Variants in CHN2 observed in about 807,000 individuals in gnomAD.
CHN2 encodes beta-chimaerin.
CHN2 carries 35 observed loss-of-function variants against 56.3 expected under a neutral mutation model. That is an observed-to-expected ratio of 0.62 (90% CI 0.47 to 0.82). The LOEUF is 0.82. Ranked by LOEUF, CHN2 falls within the 40% of genes least tolerant of loss-of-function variation. The probability of loss-of-function intolerance (pLI) is 0.00; values close to 1 mark genes in which losing one functional copy is unlikely to be tolerated. For missense variants in CHN2, 491 were observed against 580.5 expected, an observed-to-expected ratio of 0.85 and a Z score of 1.58; for synonymous variants, 210 against 212.8, an observed-to-expected ratio of 0.99 and a Z score of 0.12.
chr7:29,388,471 G>A (rs953052321), intron 3 of CHN2, among the ~76,000 whole-genome samples: 1 of 132,358 alleles, frequency 7.6e-6, no homozygotes, highest in African/African-American at 2.8e-5. Flanking sequence ...ACTGTTGCAA[G>A]CATATTACAC....
intron 2 of CHN2, among the ~76,000 whole-genome samples, chr7:29,148,158 G>A (rs1421711659): frequency 6.6e-6 from 1 of 152,216 alleles, no homozygotes; most frequent in African/African-American, 2.4e-5. Context: ...CTTGAAGCAG[G>A]CTCAGTGCCA....
intron 1 of CHN2, among the ~76,000 whole-genome samples, chr7:29,311,567 A>G (rs888539628): frequency 3.3e-5 from 5 of 152,228 alleles, no homozygotes; most frequent in African/African-American, 1.2e-4. Context: ...AGGGACTAAT[A>G]AGATTCAGGT....
intron 1 of CHN2, among the ~76,000 whole-genome samples, chr7:29,234,032 A>G (rs1003718821): frequency 1.1e-4 from 17 of 149,556 alleles, no homozygotes; most frequent in Non-Finnish European, 1.6e-4. Context: ...ACGGGGTTTC[A>G]CCGTTTTAGC....
At chr7:29,464,134 G>C (rs1044994987) in intron 6 of CHN2, among the ~76,000 whole-genome samples, 1 of 152,172 alleles carries the variant, frequency 6.6e-6, no homozygotes, top group Non-Finnish European at 1.5e-5. Flanking sequence ...GCATAGTTAC[G>C]ATTAATCATA....
At chr7:29,509,876 G>A (rs967156804) in intron 12 of CHN2, among the ~76,000 whole-genome samples, 5 of 151,654 alleles carry the variant, frequency 3.3e-5, no homozygotes, top group Admixed American at 2.0e-4. Context: ...AGAAAGGGGT[G>A]CCATTAGGGG....
intron 1 of CHN2, among the ~76,000 whole-genome samples, chr7:29,223,895 G>A (rs765335857): frequency 1.3e-5 from 2 of 152,134 alleles, no homozygotes; most frequent in Non-Finnish European, 2.9e-5. Flanking sequence ...AAAAATTTTA[G>A]TTGCGATGTA....
rs117546926 is a variant in CHN2 at position 29,310,977 on chromosome 7, T to C, written c.50-43648T>C. Among the ~76,000 whole-genome samples, 289 of 152,346 alleles carry C rather than the reference T, an allele frequency of 1.9e-3. 7 individuals are homozygous for C. In the East Asian group the frequency reaches 0.051, roughly 27 times the overall value. ...ACTTGTTTATTAAAAAGAAAACTAT[T>C]GAAAGAATTCTTAAACAACAAAACA... On this transcript the variant is annotated intron_variant, in intron 1 of 12. Transcript: ENST00000222792.
chr7:29,456,311 TCTC>T (rs1562621249), intron 6 of CHN2, among the ~76,000 whole-genome samples: 1 of 152,130 alleles, frequency 6.6e-6, no homozygotes, highest in Non-Finnish European at 1.5e-5. Flanking sequence ...CAGATGTCTA[TCTC>T]CTCAACTAGA....
intron 9 of CHN2, among the ~76,000 whole-genome samples, chr7:29,501,807 T>C (rs1789998824): frequency 6.6e-6 from 1 of 152,200 alleles, no homozygotes; most frequent in Admixed American, 6.5e-5. Flanking sequence ...ATCCTTATTG[T>C]TCTCCAAATG....
chr7:29,262,034 G>C (rs1185239928), intron 1 of CHN2, among the ~76,000 whole-genome samples: 3 of 152,164 alleles, frequency 2.0e-5, no homozygotes, highest in Non-Finnish European at 4.4e-5. Flanking sequence ...CAGGCATGGT[G>C]GCGTGAGCCT....
At chr7:29,285,030 A>C (rs1044443093) in intron 1 of CHN2, among the ~76,000 whole-genome samples, 1 of 152,208 alleles carries the variant, frequency 6.6e-6, no homozygotes, top group Non-Finnish European at 1.5e-5. Flanking sequence ...CTGTGCAAGC[A>C]GACTGGGGGA....
intron 6 of CHN2, chr7:29,479,796 C>T: frequency 9.8e-6 from 12 of 1,224,020 alleles, no homozygotes; most frequent in Non-Finnish European, 1.2e-5. Flanking sequence ...AGGCTGCCGG[C>T]CCCTGCCTCC....
rs576847571 is a variant in CHN2 at position 29,497,792 on chromosome 7, CA to C, written c.739+1757del. On this transcript the variant is annotated intron_variant, in intron 8 of 12. Transcript: ENST00000222792. ...ATATCAGTATTAAACTCTACATAAA[CA>C]CATTGTTGCTTTAGGTCTTAAATGA... is the stretch of plus-strand genomic sequence containing the variant. 5.3e-5 allele frequency among the ~76,000 whole-genome samples: 8 copies of C among 152,222 alleles called. No individual in the cohort carries two copies. In the East Asian group the frequency reaches 1.5e-3, roughly 29 times the overall value.
intron 3 of CHN2, among the ~76,000 whole-genome samples, chr7:29,392,484 G>C (rs1482240000): frequency 1.3e-5 from 2 of 152,192 alleles, no homozygotes; most frequent in Non-Finnish European, 2.9e-5. Context: ...TGGATGTCCT[G>C]CTTGGTTGAG....
intron 7 of CHN2, among the ~76,000 whole-genome samples, chr7:29,495,366 C>T (rs1315241074): frequency 6.6e-6 from 1 of 152,174 alleles, no homozygotes; most frequent in Non-Finnish European, 1.5e-5. Context: ...GAAGGCCACA[C>T]CAAGTCCTAC....
chr7:29,488,213 G>A (rs980631874), intron 7 of CHN2, among the ~76,000 whole-genome samples: 5 of 152,154 alleles, frequency 3.3e-5, no homozygotes, highest in African/African-American at 4.8e-5. Context: ...CTGTGTTTTC[G>A]TACATCTGAA....
intron 6 of CHN2, among the ~76,000 whole-genome samples, chr7:29,466,303 G>A (rs1785548858): frequency 6.6e-6 from 1 of 152,156 alleles, no homozygotes; most frequent in South Asian, 2.1e-4. Flanking sequence ...TACATATTGA[G>A]ACGTAATTTT....
At chr7:29,364,991 G>T (rs1248123010) in intron 2 of CHN2, among the ~76,000 whole-genome samples, 1 of 152,084 alleles carries the variant, frequency 6.6e-6, no homozygotes, top group Non-Finnish European at 1.5e-5. Context: ...ATTTTTGGTT[G>T]TGTGTGTGTC....
intron 3 of CHN2, among the ~76,000 whole-genome samples, chr7:29,388,772 A>G (rs1237788892): frequency 1.3e-5 from 2 of 152,196 alleles, no homozygotes; most frequent in East Asian, 3.9e-4. Flanking sequence ...AGTGCAGAGG[A>G]TGAACATAGG....
Sources: allele counts gnomAD v4.1 joint callset (sites outside exome capture counted in the v4.1 genomes callset), GRCh38; gene constraint gnomAD v4.1.1; transcripts MANE v1.5; gene names NCBI Gene and HGNC (gene_info 2026-07-23, HGNC 2026-07-21).